MRTFB: variants seen among roughly 807,000 people sequenced by gnomAD.
The protein encoded by MRTFB is myocardin related transcription factor B, also known as myocardin-related transcription factor B.
Under a neutral mutation model 104.2 loss-of-function variants are expected in MRTFB, and 29 were observed. The ratio of observed to expected loss-of-function variants is 0.28; its 90% CI spans 0.21 to 0.38. MRTFB has a LOEUF of 0.38. Ranked by LOEUF, MRTFB falls within the 10% of genes least tolerant of loss-of-function variation. The pLI is 1.00. For synonymous variants in MRTFB, 535 were observed against 519.5 expected (o/e 1.03, Z -0.41); for missense variants, 1,270 against 1,341.6 (o/e 0.95, Z 0.83).
intron 9 of MRTFB, among the ~76,000 whole-genome samples, chr16:14,237,571 T>G (rs1039200244): frequency 2.6e-5 from 4 of 152,084 alleles, no homozygotes; most frequent in African/African-American, 4.8e-5. Flanking sequence ...CAGAAATGAG[T>G]CTGTAGCTTG....
chr16:14,012,956 C>T, the MRTFB span: 1 of 152,324 alleles, frequency 6.6e-6, no homozygotes, highest in South Asian at 2.1e-4. Flanking sequence ...ACGTTATCCT[C>T]CCCCAGTCTT....
At chr16:14,240,828 G>C in intron 10 of MRTFB, 1 of 682,892 alleles carries the variant, frequency 1.5e-6, no homozygotes, top group Admixed American at 2.3e-5. Flanking sequence ...ACAGCTAAAA[G>C]AAGAGAAGGA....
intron 8 of MRTFB, among the ~76,000 whole-genome samples, chr16:14,222,526 T>C (rs2041778911): frequency 6.6e-6 from 1 of 151,968 alleles, no homozygotes; most frequent in Non-Finnish European, 1.5e-5. Flanking sequence ...AGGCAAAAGA[T>C]TGGACACCCC....
the MRTFB span, among the ~76,000 whole-genome samples, chr16:14,028,340 C>G: frequency 2.0e-5 from 3 of 152,178 alleles, no homozygotes; most frequent in African/African-American, 7.2e-5. Flanking sequence ...TTACCCCTCC[C>G]CCAGGTCCCA....
intron 6 of MRTFB, among the ~76,000 whole-genome samples, chr16:14,214,520 C>T (rs182574495): frequency 6.6e-6 from 1 of 152,160 alleles, no homozygotes; most frequent in Non-Finnish European, 1.5e-5. Context: ...AAAGGTCTGA[C>T]ATGTCCAGAA....
At chr16:14,170,550 C>G (rs1042301576) in intron 3 of MRTFB, 3 of 152,204 alleles carry the variant, frequency 2.0e-5, no homozygotes. Flanking sequence ...TGTGCCATAA[C>G]TTAAATCACT....
the MRTFB span, among the ~76,000 whole-genome samples, chr16:14,061,371 G>T: frequency 6.6e-6 from 1 of 152,174 alleles, no homozygotes; most frequent in African/African-American, 2.4e-5. Context: ...AGGAAGTGGA[G>T]CCCTGCATGT....
At chr16:14,218,796 G>A (rs746526481) in intron 7 of MRTFB, 24 bp from the exon 8 acceptor site, 1 of 1,571,660 alleles carries the variant, frequency 6.4e-7, no homozygotes, top group Non-Finnish European at 8.7e-7. Context: ...CATAAGTCAA[G>A]TCAAAAATCA....
chr16:14,211,769 A>G (rs916039019), intron 4 of MRTFB, among the ~76,000 whole-genome samples: 7 of 152,124 alleles, frequency 4.6e-5, no homozygotes, highest in Non-Finnish European at 8.8e-5. Context: ...CAAATTCAAA[A>G]TTCTAGATTT....
intron 3 of MRTFB, among the ~76,000 whole-genome samples, chr16:14,163,154 A>G (rs537402907): frequency 4.3e-4 from 66 of 152,288 alleles, no homozygotes; most frequent in Middle Eastern, 3.4e-3. Flanking sequence ...TTCTTAGACT[A>G]TATCTCATTG....
intron 3 of MRTFB, among the ~76,000 whole-genome samples, chr16:14,180,944 G>C (rs536286244): frequency 1.6e-4 from 25 of 152,228 alleles, no homozygotes; most frequent in African/African-American, 5.8e-4. Flanking sequence ...AAACATGGAT[G>C]ATTTCCTTCA....
chr16:14,234,852 C>A (rs2042424583), intron 9 of MRTFB, among the ~76,000 whole-genome samples: 1 of 152,028 alleles, frequency 6.6e-6, no homozygotes, highest in Admixed American at 6.6e-5. Context: ...GTTCTGCCAC[C>A]CAGGCCACTA....
chr16:14,050,164 G>GACAC, the MRTFB span, among the ~76,000 whole-genome samples: 242 of 149,920 alleles, frequency 1.6e-3, 3 homozygotes, highest in African/African-American at 5.3e-3. Context: ...CAGACAGACA[G>GACAC]ACACACACAC....
the MRTFB span, among the ~76,000 whole-genome samples, chr16:14,023,600 C>CATAT: frequency 3.0e-4 from 27 of 89,620 alleles, no homozygotes; most frequent in African/African-American, 1.2e-3. Context: ...CACACACACA[C>CATAT]ACACACACAC....
chr16:14,210,159 C>T (rs1414809703), intron 3 of MRTFB, 84 bp from the exon 4 acceptor site: 1 of 990,412 alleles, frequency 1.0e-6, no homozygotes. Flanking sequence ...CTTGATAAAG[C>T]TTAATTGCAT....
At chr16:14,238,813 A>G (rs1006451563) in intron 9 of MRTFB, among the ~76,000 whole-genome samples, 2 of 152,234 alleles carry the variant, frequency 1.3e-5, no homozygotes, top group African/African-American at 2.4e-5. Context: ...ATCATTTCCA[A>G]TACATAATTA....
chr16:14,159,891 C>G (rs1162174338), intron 3 of MRTFB, among the ~76,000 whole-genome samples: 1 of 137,706 alleles, frequency 7.3e-6, no homozygotes, highest in Non-Finnish European at 1.5e-5. Flanking sequence ...GATCCCGCCA[C>G]TGCACTCCAG....
At chr16:14,008,544 A>G in the MRTFB span, among the ~76,000 whole-genome samples, 6 of 152,204 alleles carry the variant, frequency 3.9e-5, no homozygotes, top group Non-Finnish European at 8.8e-5. Flanking sequence ...CAAGTGATCT[A>G]TATGTCTGTC....
intron 8 of MRTFB, 31 bp downstream of exon 8, chr16:14,219,029 A>G (rs2041562434): frequency 1.9e-6 from 3 of 1,545,290 alleles, no homozygotes; most frequent in Non-Finnish European, 1.7e-6. Context: ...ACCCCTAAAG[A>G]AAGAAAATGC....
Sources: allele counts gnomAD v4.1 joint callset (sites outside exome capture counted in the v4.1 genomes callset), GRCh38; gene constraint gnomAD v4.1.1; transcripts MANE v1.5; gene names NCBI Gene and HGNC (gene_info 2026-07-23, HGNC 2026-07-21).